Variants in PLCL1 observed in about 807,000 individuals in gnomAD.
PLCL1 encodes the protein inactive phospholipase C-like protein 1.
PLCL1 carries 41 observed loss-of-function variants against 84.4 expected under a neutral mutation model. The ratio of observed to expected loss-of-function variants is 0.49; its 90% CI spans 0.38 to 0.63. PLCL1 has a LOEUF of 0.63. Among genes scored for constraint, PLCL1 ranks in the 30% least tolerant of loss-of-function variants. The pLI is 0.00. For synonymous variants in PLCL1, 490 were observed against 488.3 expected (o/e 1.00, Z -0.05); for missense variants, 1,206 against 1,367.8 (o/e 0.88, Z 1.87).
rs1693858309 is a variant in PLCL1, at chr2:198,121,174, C to T, written c.3105+17238C>T. ...TTTTAATCAGATTATTAGAGTTTTTCCTACAGAATTGTTTGAGCTCCTTAT... is the reference window on the plus strand; with the variant it reads ...TTTTAATCAGATTATTAGAGTTTTTTCTACAGAATTGTTTGAGCTCCTTAT... On this transcript the variant is annotated intron_variant, in intron 5 of 5. Transcript: ENST00000428675. 3.3e-5 allele frequency among the ~76,000 whole-genome samples: 5 copies of T among 151,974 alleles called. No individual in the cohort carries two copies. The South Asian group carries it at 1.0e-3, about 31-fold the overall frequency.
chr2:198,105,601 G>GCTGTGT (rs3219606), intron 5 of PLCL1, among the ~76,000 whole-genome samples: 1 of 143,722 alleles, frequency 7.0e-6, no homozygotes, highest in Non-Finnish European at 1.5e-5. Context: ...TAATTTGCCT[G>GCTGTGT]GTGTGTGTGT....
Position 197,805,009 on chromosome 2 carries a change from C to T in PLCL1, c.-91C>T, listed in dbSNP as rs1486558912. ...GTGAAACAAAGTCTGGCGGGGCCGC[C>T]TCCCGGTGCAGGAGCGCACCGGTGC... On this transcript the variant is annotated 5_prime_UTR_variant, in exon 1 of 6. Coordinates refer to ENST00000428675, the MANE Select transcript of PLCL1 (RefSeq NM_006226.4). This position sits in a 1 kb window ranked among gnomAD's most constrained non-coding sequence, Gnocchi z 4.0. 2.2e-6 allele frequency: 3 copies of T among 1,352,160 alleles called. No individual in the cohort carries two copies. Among genetic ancestry groups the T allele is most frequent in the Middle Eastern group, 2.6e-4 (1 of 3,780 alleles). The allele number at this position is 1,352,160 out of a possible 1,614,324, so 83.8% of individuals were successfully genotyped here.
At position 197,970,842 on chromosome 2, in the gene PLCL1, T is replaced by G. The variant is rs77498784; in HGVS notation, c.241-112916T>G. On this transcript the variant is annotated intron_variant, in intron 1 of 5. Coordinates refer to ENST00000428675, the MANE Select transcript of PLCL1 (RefSeq NM_006226.4). ...ACTGTGTCTCCATTTATATGTAGTTTAACATTTAACAAATAATGCCGTTCT... is the reference window on the plus strand; with the variant it reads ...ACTGTGTCTCCATTTATATGTAGTTGAACATTTAACAAATAATGCCGTTCT... Among the ~76,000 whole-genome samples the G allele has an allele frequency of 8.1e-4, 124 of 152,332 alleles. No homozygotes were observed. The South Asian group carries it at 8.7e-3, about 11-fold the overall frequency.
At chr2:197,862,515 G>A (rs530867045) in intron 1 of PLCL1, among the ~76,000 whole-genome samples, 2 of 152,270 alleles carry the variant, frequency 1.3e-5, no homozygotes, top group Admixed American at 6.5e-5. Context: ...AGGGTTAAGA[G>A]GAATACATTT....
intron 1 of PLCL1, among the ~76,000 whole-genome samples, chr2:198,029,406 C>T (rs965359559): frequency 6.6e-6 from 1 of 152,102 alleles, no homozygotes; most frequent in African/African-American, 2.4e-5. Context: ...ACTTGTGAGA[C>T]ATTATATTTT....
Position 198,064,911 on chromosome 2 carries a change from C to T in PLCL1, c.241-18847C>T, listed in dbSNP as rs1692287881. Among the ~76,000 whole-genome samples, 5 of 152,230 alleles carry T rather than the reference C, an allele frequency of 3.3e-5. No individual in the cohort carries two copies. The South Asian group carries it at 1.0e-3, about 32-fold the overall frequency. On this transcript the variant is annotated intron_variant, in intron 1 of 5. Coordinates refer to ENST00000428675, the MANE Select transcript of PLCL1 (RefSeq NM_006226.4). ...CAGTGGACCGTTTGGTATAGGGAAG[C>T]TTATGGAGACAGAAGCTTGTGGAGA...
intron 1 of PLCL1, among the ~76,000 whole-genome samples, chr2:197,806,255 TA>T (rs1690476188): frequency 6.6e-6 from 1 of 152,206 alleles, no homozygotes; most frequent in South Asian, 2.1e-4. Flanking sequence ...TATAAAACGA[TA>T]TGTATGTATG....
At chr2:197,914,471 A>G (rs923395582) in intron 1 of PLCL1, among the ~76,000 whole-genome samples, 1 of 152,078 alleles carries the variant, frequency 6.6e-6, no homozygotes, top group African/African-American at 2.4e-5. Context: ...CTGGAACTAC[A>G]GGTGCACGCC....
chr2:197,905,347 T>C (rs1212633756), intron 1 of PLCL1, among the ~76,000 whole-genome samples: 2 of 152,260 alleles, frequency 1.3e-5, no homozygotes, highest in Non-Finnish European at 2.9e-5. Context: ...ACACGCAGTG[T>C]TCAGTTTTCT....
chr2:198,081,596 C>T (rs1207240219), intron 1 of PLCL1, among the ~76,000 whole-genome samples: 1 of 152,140 alleles, frequency 6.6e-6, no homozygotes, highest in African/African-American at 2.4e-5. Context: ...TTTGTAAATG[C>T]AGGAGCTAAG....
rs373767710 is a variant in PLCL1 at position 198,054,360 on chromosome 2, A to G, written c.241-29398A>G. ...ACATATGCAGAATACTCCATCCAACAGCAGCAGAATACACCTTCTTCTCAA... is the reference window on the plus strand; with the variant it reads ...ACATATGCAGAATACTCCATCCAACGGCAGCAGAATACACCTTCTTCTCAA... On this transcript the variant is annotated intron_variant, in intron 1 of 5. Coordinates refer to ENST00000428675, the MANE Select transcript of PLCL1 (RefSeq NM_006226.4). Among the ~76,000 whole-genome samples, 16 of 152,362 alleles carry G rather than the reference A, an allele frequency of 1.1e-4. 1 individual carries two copies. The highest frequency in any genetic ancestry group is 3.8e-4 in the African/African-American group (16 of 41,584).
At chr2:198,121,744 T>G (rs887793365) in intron 5 of PLCL1, among the ~76,000 whole-genome samples, 2 of 152,086 alleles carry the variant, frequency 1.3e-5, no homozygotes, top group African/African-American at 4.8e-5. Context: ...GGCCTACTCT[T>G]TTACTCAGTT....
At chr2:197,838,296 T>A (rs1331464515) in intron 1 of PLCL1, among the ~76,000 whole-genome samples, 1 of 152,226 alleles carries the variant, frequency 6.6e-6, no homozygotes, top group South Asian at 2.1e-4. Flanking sequence ...GGAGGGCCCA[T>A]GTAATTCTGC....
At chr2:197,870,853 A>T (rs2105704548) in intron 1 of PLCL1, among the ~76,000 whole-genome samples, 1 of 152,084 alleles carries the variant, frequency 6.6e-6, no homozygotes, top group South Asian at 2.1e-4. Flanking sequence ...TGAGATTCTT[A>T]CTACTGGGGG....
At chr2:197,812,694 A>G (rs1690611932) in intron 1 of PLCL1, among the ~76,000 whole-genome samples, 1 of 152,226 alleles carries the variant, frequency 6.6e-6, no homozygotes, top group Non-Finnish European at 1.5e-5. Flanking sequence ...GTACAATATC[A>G]CGGTTAGAAA....
At chr2:198,058,125 T>C (rs556044796) in intron 1 of PLCL1, among the ~76,000 whole-genome samples, 1 of 152,184 alleles carries the variant, frequency 6.6e-6, no homozygotes, top group Non-Finnish European at 1.5e-5. Context: ...TAGTTGTTTT[T>C]TCTTTATGTA....
intron 1 of PLCL1, among the ~76,000 whole-genome samples, chr2:197,946,515 A>AT (rs5837574): frequency 0.48 from 73,131 of 151,716 alleles, 18,009 homozygotes; most frequent in Middle Eastern, 0.56. Flanking sequence ...ATTAAAAACA[A>AT]TTTTTTTTAT....
intron 1 of PLCL1, among the ~76,000 whole-genome samples, chr2:197,948,874 G>A (rs1689333023): frequency 6.6e-6 from 1 of 152,126 alleles, no homozygotes; most frequent in South Asian, 2.1e-4. Flanking sequence ...GGTTATCCTT[G>A]GTAAAGGGGC....
At chr2:197,997,839 C>T (rs1217317648) in intron 1 of PLCL1, among the ~76,000 whole-genome samples, 1 of 152,154 alleles carries the variant, frequency 6.6e-6, no homozygotes, top group Non-Finnish European at 1.5e-5. Flanking sequence ...AAAAGGGTCC[C>T]TTTGCCTCCC....
Sources: allele counts gnomAD v4.1 joint callset (sites outside exome capture counted in the v4.1 genomes callset), GRCh38; gene constraint gnomAD v4.1.1; non-coding constraint Gnocchi (gnomAD v3.1); transcripts MANE v1.5; gene names NCBI Gene and HGNC (gene_info 2026-07-23, HGNC 2026-07-21).